The following PRKCE variants were observed in gnomAD, a reference collection of about 807,000 sequenced individuals.
PRKCE encodes protein kinase C epsilon type.
In PRKCE, 16 loss-of-function variants were observed where a neutral mutation model predicts 85.4. The observed-to-expected ratio is 0.19, with a 90% CI of 0.13 to 0.28. PRKCE has a LOEUF of 0.28. PRKCE is among the 10% of genes least tolerant of loss of function. The probability of loss-of-function intolerance (pLI) is 1.00; values close to 1 mark genes in which losing one functional copy is unlikely to be tolerated. For missense variants in PRKCE, 573 were observed against 975.2 expected, an observed-to-expected ratio of 0.59 and a Z score of 5.49; for synonymous variants, 388 against 371.5, an observed-to-expected ratio of 1.04 and a Z score of -0.51.
Position 45,949,811 on chromosome 2 carries a change from C to T in PRKCE, c.413-26618C>T, listed in dbSNP as rs377384508. Among the ~76,000 whole-genome samples, 39 of 151,844 alleles carry T rather than the reference C, an allele frequency of 2.6e-4. 1 individual carries two copies. Among genetic ancestry groups the T allele is most frequent in the African/African-American group, 9.4e-4 (39 of 41,480 alleles). On this transcript the variant is annotated intron_variant, in intron 2 of 14. Coordinates refer to ENST00000306156, the MANE Select transcript of PRKCE (RefSeq NM_005400.3). ...CTCTGTTCTATCCCTTTGGTCTGTC[C>T]CGCTGATACACCATGTTTTAATTGC...
intron 2 of PRKCE, among the ~76,000 whole-genome samples, chr2:45,938,375 A>G (rs1294485526): frequency 6.6e-6 from 1 of 152,194 alleles, no homozygotes; most frequent in African/African-American, 2.4e-5. Flanking sequence ...GTTGAGAATG[A>G]TAAGTGACAC....
At chr2:45,956,578 A>C (rs1700991074) in intron 2 of PRKCE, among the ~76,000 whole-genome samples, 1 of 151,938 alleles carries the variant, frequency 6.6e-6, no homozygotes, top group Non-Finnish European at 1.5e-5. Flanking sequence ...CCAGCTACTC[A>C]GGAAGCTAAG....
At chr2:46,142,675 A>G (rs1574583309) in intron 11 of PRKCE, among the ~76,000 whole-genome samples, 1 of 152,218 alleles carries the variant, frequency 6.6e-6, no homozygotes, top group East Asian at 1.9e-4. Context: ...AAAGGGTAGA[A>G]AGCAAAGGGA....
intron 1 of PRKCE, among the ~76,000 whole-genome samples, chr2:45,653,611 G>T (rs946988264): frequency 2.6e-5 from 4 of 151,990 alleles, no homozygotes; most frequent in Admixed American, 6.5e-5. Flanking sequence ...ATGTCCTAGA[G>T]GTCAGAGGTT....
chr2:45,825,898 A>C (rs1316026123), intron 1 of PRKCE, among the ~76,000 whole-genome samples: 1 of 151,552 alleles, frequency 6.6e-6, no homozygotes, highest in Non-Finnish European at 1.5e-5. Context: ...AAAAACAAAA[A>C]CATACCCCAC....
rs186655169 is a variant in PRKCE, at chr2:46,170,491, G to A, written c.2067+10739G>A. On this transcript the variant is annotated intron_variant, in intron 14 of 14. Transcript: ENST00000306156. Reference sequence around the variant, plus strand: ...ATTAGCAATTAGCAATCAAGGGAGAGAGTTACATCTGTTTTGTTCACAAAT... The same window carrying A: ...ATTAGCAATTAGCAATCAAGGGAGAAAGTTACATCTGTTTTGTTCACAAAT... Among the ~76,000 whole-genome samples, 7 of 152,328 alleles carry A rather than the reference G, an allele frequency of 4.6e-5. No homozygotes were observed. In the East Asian group the frequency reaches 1.3e-3, roughly 29 times the overall value.
chr2:45,945,742 C>T (rs1244147261), intron 2 of PRKCE, among the ~76,000 whole-genome samples: 1 of 152,224 alleles, frequency 6.6e-6, no homozygotes, highest in Non-Finnish European at 1.5e-5. Context: ...TAACTGTGCT[C>T]CACTGGTGGG....
intron 2 of PRKCE, among the ~76,000 whole-genome samples, chr2:45,951,371 C>T (rs1197040469): frequency 6.6e-6 from 1 of 152,182 alleles, no homozygotes; most frequent in African/African-American, 2.4e-5. Context: ...GTCAGTCATG[C>T]CAGGTAGGTC....
At chr2:46,007,780 C>CT in intron 9 of PRKCE, 119 bp downstream of exon 9, 1 of 1,201,676 alleles carries the variant, frequency 8.3e-7, no homozygotes, top group Non-Finnish European at 1.1e-6. Flanking sequence ...GTTTTCTTTC[C>CT]TTTTTTGTAA....
chr2:46,127,355 C>T (rs1574541478), intron 11 of PRKCE, among the ~76,000 whole-genome samples: 1 of 152,272 alleles, frequency 6.6e-6, no homozygotes, highest in Non-Finnish European at 1.5e-5. Flanking sequence ...GCTGTATAGA[C>T]TTGTTTATAT....
intron 1 of PRKCE, among the ~76,000 whole-genome samples, chr2:45,751,067 A>G: frequency 6.6e-6 from 1 of 152,224 alleles, no homozygotes; most frequent in Non-Finnish European, 1.5e-5. Flanking sequence ...ACCGCTCTGG[A>G]CCACCTTTGG....
intron 10 of PRKCE, among the ~76,000 whole-genome samples, chr2:46,044,218 TGAA>T (rs1456221371): frequency 1.3e-5 from 2 of 152,148 alleles, no homozygotes; most frequent in Admixed American, 1.3e-4. Flanking sequence ...GAATGTTTGT[TGAA>T]TGAATGAATG....
chr2:45,951,330 C>T (rs1700604809), intron 2 of PRKCE, among the ~76,000 whole-genome samples: 1 of 152,210 alleles, frequency 6.6e-6, no homozygotes, highest in Admixed American at 6.5e-5. Context: ...GAAACAGCTT[C>T]ATACAGACTG....
At chr2:45,693,617 C>A (rs1025441515) in intron 1 of PRKCE, among the ~76,000 whole-genome samples, 1 of 152,130 alleles carries the variant, frequency 6.6e-6, no homozygotes, top group African/African-American at 2.4e-5. Flanking sequence ...AGGAGGCTGT[C>A]GGATCTGACA....
chr2:45,889,924 T>C (rs539373396), intron 2 of PRKCE, among the ~76,000 whole-genome samples: 29 of 152,344 alleles, frequency 1.9e-4, no homozygotes, highest in African/African-American at 7.0e-4. Context: ...TCTGTGCTCT[T>C]TAGGCTCAAA....
chr2:46,001,369 A>G lies in PRKCE; in HGVS notation c.824-35A>G, dbSNP rs1310419364. On this transcript the variant is annotated intron_variant, in intron 6 of 14. Transcript: ENST00000306156. The surrounding 1 kb of genome is among the most constrained non-coding windows in gnomAD (Gnocchi z 4.4). ...AAAGAAGCAACATCTTAGGCCATGA[A>G]CACTTATCTGTCTTTTCTCCATGTC... 1.3e-6 allele frequency: 2 copies of G among 1,580,914 alleles called. No individual in the cohort carries two copies. The highest frequency in any genetic ancestry group is 1.7e-5 in the Admixed American group (1 of 58,734).
chr2:45,891,614 G>A (rs561814267), intron 2 of PRKCE, among the ~76,000 whole-genome samples: 250 of 152,272 alleles, frequency 1.6e-3, no homozygotes, highest in South Asian at 2.3e-3. Context: ...GGACTCCTTC[G>A]GCTTCTGTAG....
chr2:45,762,953 CTTCT>C lies in PRKCE; in HGVS notation c.349-80044_349-80041del, dbSNP rs1558645088. On this transcript the variant is annotated intron_variant, in intron 1 of 14. Transcript: ENST00000306156. ...TCTTTCTTTTCTTTTCTTTTCTTTT[CTTCT>C]TTTTTTTTTTTTGAGACGGAGTCCT... is the stretch of plus-strand genomic sequence containing the variant. Among the ~76,000 whole-genome samples the C allele has an allele frequency of 5.2e-3, 578 of 111,126 alleles. 7 individuals are homozygous for C. The highest frequency in any genetic ancestry group is 0.018 in the African/African-American group (527 of 28,760). The allele number at this position is 111,126 out of a possible 152,430, so 72.9% of individuals were successfully genotyped here. A position where few individuals can be genotyped will look rare whatever the true frequency, so the allele number is the denominator to read the frequency against.
rs938132054 is a variant in PRKCE at position 45,660,270 on chromosome 2, G to A, written c.348+7822G>A. Among the ~76,000 whole-genome samples the A allele has an allele frequency of 3.3e-5, 5 of 152,242 alleles. No individual in the cohort carries two copies. The South Asian group carries it at 1.0e-3, about 32-fold the overall frequency. On this transcript the variant is annotated intron_variant, in intron 1 of 14. Coordinates refer to ENST00000306156, the MANE Select transcript of PRKCE (RefSeq NM_005400.3). The stretch of plus-strand genomic sequence containing the variant: ...CAGTTGAAAGAAGTGAGGAGGAGGA[G>A]GAAGGAGAAAAGGATATTTTATTTT...
Sources: allele counts gnomAD v4.1 joint callset (sites outside exome capture counted in the v4.1 genomes callset), GRCh38; gene constraint gnomAD v4.1.1; non-coding constraint Gnocchi (gnomAD v3.1); transcripts MANE v1.5; gene names NCBI Gene and HGNC (gene_info 2026-07-23, HGNC 2026-07-21).